The following DTNB variants were observed in gnomAD, a reference collection of about 807,000 sequenced individuals.
DTNB encodes the protein dystrobrevin beta.
Under a neutral mutation model 90.7 loss-of-function variants are expected in DTNB, and 63 were observed. The ratio of observed to expected loss-of-function variants is 0.69; its 90% confidence interval spans 0.57 to 0.86. The LOEUF (loss-of-function observed/expected upper bound fraction) is 0.86. Ranked by LOEUF, DTNB falls within the 40% of genes least tolerant of loss-of-function variation. DTNB has a pLI of 0.00. For synonymous variants in DTNB, 277 were observed against 286.7 expected, an observed-to-expected ratio of 0.97 and a Z score of 0.34; for missense variants, 744 against 807.1, an observed-to-expected ratio of 0.92 and a Z score of 0.95.
intron 9 of DTNB, among the ~76,000 whole-genome samples, chr2:25,496,152 C>T (rs1447892005): frequency 1.3e-5 from 2 of 152,186 alleles, no homozygotes; most frequent in African/African-American, 4.8e-5. Context: ...AACAAATTAA[C>T]TATTTAACAG....
chr2:25,670,263 T>C (rs2085514354), intron 1 of DTNB, among the ~76,000 whole-genome samples: 1 of 152,210 alleles, frequency 6.6e-6, no homozygotes, highest in East Asian at 1.9e-4. Flanking sequence ...TTTTATTCTG[T>C]ATTACCTATA....
chr2:25,483,572 A>T (rs2065441969), intron 9 of DTNB, among the ~76,000 whole-genome samples: 1 of 152,222 alleles, frequency 6.6e-6, no homozygotes, highest in Non-Finnish European at 1.5e-5. Context: ...CTTCAAGGTT[A>T]GCATTTTTGG....
chr2:25,381,562 G>A (rs1431135771), intron 19 of DTNB, among the ~76,000 whole-genome samples: 1 of 152,138 alleles, frequency 6.6e-6, no homozygotes, highest in African/African-American at 2.4e-5. Flanking sequence ...TTTTTGTAGA[G>A]ATGGGGTCTT....
intron 1 of DTNB, among the ~76,000 whole-genome samples, chr2:25,671,125 T>C (rs749411959): frequency 1.3e-5 from 2 of 152,076 alleles, no homozygotes; most frequent in Non-Finnish European, 2.9e-5. Flanking sequence ...CTAAGAGAAG[T>C]CATTAATCTC....
At chr2:25,468,537 C>G (rs76362221) in intron 10 of DTNB, among the ~76,000 whole-genome samples, 1,631 of 152,246 alleles carry the variant, frequency 0.011, 60 homozygotes, top group East Asian at 0.089. Context: ...CAAAGAGAAC[C>G]ACAGCAAGAA....
At chr2:25,598,742 G>C (rs371282779) in intron 5 of DTNB, 1 of 152,110 alleles carries the variant, frequency 6.6e-6, no homozygotes, top group African/African-American at 2.4e-5. Flanking sequence ...AGGGACTGGG[G>C]GGCACTAAAG....
At chr2:25,634,928 G>T (rs1042585153) in intron 3 of DTNB, among the ~76,000 whole-genome samples, 1 of 122,102 alleles carries the variant, frequency 8.2e-6, no homozygotes, top group Non-Finnish European at 1.9e-5. Context: ...GCGGAAGGCC[G>T]CAGGGTCCTC....
chr2:25,627,888 C>G, intron 4 of DTNB, among the ~76,000 whole-genome samples: 1 of 152,072 alleles, frequency 6.6e-6, no homozygotes, highest in Non-Finnish European at 1.5e-5. Context: ...AGGCGCCCAC[C>G]ACCACGCCCG....
intron 4 of DTNB, among the ~76,000 whole-genome samples, chr2:25,614,926 T>C (rs2069806983): frequency 6.6e-6 from 1 of 152,170 alleles, no homozygotes; most frequent in Admixed American, 6.5e-5. Context: ...ACCATTTACC[T>C]GGAGATAGCA....
intron 9 of DTNB, among the ~76,000 whole-genome samples, chr2:25,512,634 G>C (rs577961357): frequency 2.6e-5 from 4 of 152,202 alleles, no homozygotes; most frequent in Admixed American, 6.5e-5. Flanking sequence ...ATGCAAAGAA[G>C]AGATCCATAT....
chr2:25,433,084 A>G (rs1225358715), intron 13 of DTNB, 85 bp from the exon 14 acceptor site: 1 of 1,312,760 alleles, frequency 7.6e-7, no homozygotes, highest in Non-Finnish European at 1.0e-6. Context: ...TTTCAACTCT[A>G]GCAGTGCCTC....
chr2:25,635,230 C>A (rs11897088), intron 3 of DTNB, among the ~76,000 whole-genome samples: 7 of 151,558 alleles, frequency 4.6e-5, no homozygotes, highest in African/African-American at 1.2e-4. Context: ...GCCAGGAGTT[C>A]GAGACCAGCC....
At chr2:25,551,185 T>G (rs148181086) in intron 8 of DTNB, among the ~76,000 whole-genome samples, 128 of 152,350 alleles carry the variant, frequency 8.4e-4, no homozygotes, top group Middle Eastern at 6.8e-3. Flanking sequence ...ATGAGTTTAC[T>G]TTAACAACTA....
intron 8 of DTNB, among the ~76,000 whole-genome samples, chr2:25,560,068 G>A (rs1241844522): frequency 6.6e-6 from 1 of 152,206 alleles, no homozygotes; most frequent in Non-Finnish European, 1.5e-5. Flanking sequence ...GGCCAACACG[G>A]CGAAACCCCA....
At chr2:25,394,155 C>T (rs2041861404) in intron 16 of DTNB, among the ~76,000 whole-genome samples, 1 of 152,082 alleles carries the variant, frequency 6.6e-6, no homozygotes, top group African/African-American at 2.4e-5. Context: ...AAAGGACACC[C>T]TACTTAACAA....
chr2:25,632,541 A>C (rs1335917381), intron 3 of DTNB, among the ~76,000 whole-genome samples: 1 of 152,156 alleles, frequency 6.6e-6, no homozygotes, highest in African/African-American at 2.4e-5. Flanking sequence ...CCCATGGATT[A>C]ACGGACTAAT....
intron 12 of DTNB, among the ~76,000 whole-genome samples, chr2:25,444,111 AG>A (rs2058015418): frequency 6.6e-6 from 1 of 152,198 alleles, no homozygotes; most frequent in Non-Finnish European, 1.5e-5. Context: ...TTTTTTTATA[AG>A]GGAAAAAAAA....
intron 8 of DTNB, among the ~76,000 whole-genome samples, chr2:25,574,992 A>G (rs141690827): frequency 3.0e-4 from 45 of 152,322 alleles, no homozygotes; most frequent in African/African-American, 1.0e-3. Context: ...GTAGATGAAA[A>G]CATGCAAATC....
intron 13 of DTNB, among the ~76,000 whole-genome samples, chr2:25,433,522 ATTTT>A (rs560980051): frequency 7.0e-6 from 1 of 143,610 alleles, no homozygotes; most frequent in African/African-American, 2.6e-5. Context: ...AATGGCATTA[ATTTT>A]TTTTTTTTTT....
Sources: allele counts gnomAD v4.1 joint callset (sites outside exome capture counted in the v4.1 genomes callset), GRCh38; gene constraint gnomAD v4.1.1; transcripts MANE v1.5; gene names NCBI Gene and HGNC (gene_info 2026-07-23, HGNC 2026-07-21).